Variants in F2RL1 observed in about 807,000 individuals in gnomAD.
F2RL1 encodes proteinase-activated receptor 2.
F2RL1 carries 16 observed loss-of-function variants against 21.7 expected under a neutral mutation model. The ratio of observed to expected loss-of-function variants is 0.74; its 90% CI spans 0.50 to 1.12. F2RL1 has a LOEUF of 1.12. Ranked by LOEUF, F2RL1 falls within the 50% of genes most tolerant of loss-of-function variation. The pLI is 0.00. For synonymous variants in F2RL1, 181 were observed against 186.7 expected (o/e 0.97, Z 0.25); for missense variants, 432 against 477.8 (o/e 0.90, Z 0.89).
intron 1 of F2RL1, among the ~76,000 whole-genome samples, chr5:76,825,062 A>T (rs1486075392): frequency 6.9e-6 from 1 of 145,900 alleles, no homozygotes; most frequent in African/African-American, 2.6e-5. Context: ...GCTGAAGTGC[A>T]GTGGCATGAT....
chr5:76,821,882 A>G (rs111988690), intron 1 of F2RL1, among the ~76,000 whole-genome samples: 6 of 152,218 alleles, frequency 3.9e-5, no homozygotes, highest in Non-Finnish European at 7.4e-5. Flanking sequence ...CGCCCTACCT[A>G]TAATTGTTTT....
chr5:76,832,009 A>T (rs907206436), intron 1 of F2RL1, among the ~76,000 whole-genome samples: 16 of 139,218 alleles, frequency 1.1e-4, no homozygotes, highest in African/African-American at 3.9e-4. Context: ...CCCCATCTCT[A>T]AAAAAAAAAA....
At chr5:76,820,642 A>G (rs970340522) in intron 1 of F2RL1, among the ~76,000 whole-genome samples, 2 of 152,218 alleles carry the variant, frequency 1.3e-5, no homozygotes, top group Non-Finnish European at 2.9e-5. Context: ...CAAACTTTAA[A>G]AAAATACATG....
chr5:76,833,825 A>G lies in F2RL1; in HGVS notation c.*24A>G, dbSNP rs1325689223. 2 of 1,604,884 alleles carry G rather than the reference A, an allele frequency of 1.2e-6. No homozygotes were observed. The highest frequency in any genetic ancestry group is 2.2e-5 in the East Asian group (1 of 44,720). On this transcript the variant is annotated 3_prime_UTR_variant, in exon 2 of 2. Coordinates refer to ENST00000296677, the MANE Select transcript of F2RL1 (RefSeq NM_005242.6). ...GAGTTTTCCAGGTCCTCAGATGGGAATTGCACAGTAGGATGTGGAACCTGT... is the reference window on the plus strand; with the variant it reads ...GAGTTTTCCAGGTCCTCAGATGGGAGTTGCACAGTAGGATGTGGAACCTGT...
chr5:76,821,390 A>G (rs983748148), intron 1 of F2RL1, among the ~76,000 whole-genome samples: 1 of 152,076 alleles, frequency 6.6e-6, no homozygotes, highest in Non-Finnish European at 1.5e-5. Context: ...TAGCAAATGA[A>G]TGAAGTGAGG....
chr5:76,820,961 A>G (rs965618926), intron 1 of F2RL1, among the ~76,000 whole-genome samples: 2 of 152,210 alleles, frequency 1.3e-5, no homozygotes, highest in African/African-American at 4.8e-5. Context: ...CCTTAAAACT[A>G]AATTGATTTT....
At position 76,819,356 on chromosome 5, in the gene F2RL1, AG is replaced by A. The variant is rs1270395811; in HGVS notation, c.82+94del. Reference sequence around the variant, plus strand: ...CGGTGGGATCCGGGCAGGTGTGCGAAGGCTGTTCTGCTGCCGGCACCCATCT... The same window carrying A: ...CGGTGGGATCCGGGCAGGTGTGCGAAGCTGTTCTGCTGCCGGCACCCATCT... On this transcript the variant is annotated intron_variant, in intron 1 of 1. Coordinates refer to ENST00000296677, the MANE Select transcript of F2RL1 (RefSeq NM_005242.6). The A allele has an allele frequency of 9.1e-6, 10 of 1,098,988 alleles. No individual in the cohort carries two copies. In the East Asian group the frequency reaches 2.4e-4, roughly 26 times the overall value. The allele number at this position is 1,098,988 out of a possible 1,614,324, so 68.1% of individuals were successfully genotyped here. A position where few individuals can be genotyped will look rare whatever the true frequency, so the allele number is the denominator to read the frequency against.
At chr5:76,832,607 G>T (rs970021324) in intron 1 of F2RL1, 83 bp from the exon 2 acceptor site, 1 of 1,316,992 alleles carries the variant, frequency 7.6e-7, no homozygotes. Flanking sequence ...ATGAATAAAT[G>T]AATGTACTTT....
chr5:76,833,588 T>C lies in F2RL1; in HGVS notation c.981T>C (p.Ile327=). ...AGAGCCATGTCTATGCCCTGTACAT[T>C]GTAGCCCTCTGCCTCTCTACCCTTA... ...QGQSHVYALY[I]VALCLSTLNS... The change falls in exon 2 of 2, where the codon ATT becomes ATC. Residue 327 remains isoleucine (I), a synonymous_variant. Coordinates refer to ENST00000296677, the MANE Select transcript of F2RL1 (RefSeq NM_005242.6). 6.2e-7 allele frequency: 1 copy of C among 1,613,880 alleles called. No individual in the cohort carries two copies. The highest frequency in any genetic ancestry group is 8.5e-7 in the Non-Finnish European group (1 of 1,179,968).
intron 1 of F2RL1, among the ~76,000 whole-genome samples, chr5:76,825,679 G>A (rs1432708285): frequency 6.6e-6 from 1 of 152,198 alleles, no homozygotes; most frequent in Non-Finnish European, 1.5e-5. Flanking sequence ...GACAAGCTCT[G>A]TGAGTTTTGG....
rs1400435829 is a variant in F2RL1 at position 76,834,694 on chromosome 5, A to G, written c.*893A>G. 1 of 152,164 alleles carries G rather than the reference A, an allele frequency of 6.6e-6. No individual in the cohort carries two copies. The highest frequency in any genetic ancestry group is 6.5e-5 in the Admixed American group (1 of 15,268). 9.4% of individuals were successfully genotyped at this position (152,164 alleles called of 1,614,324 possible). ...CAGATTCCTCAGATTCAATAATGAGAGCTCAGACTGGGAACAGGGCCCAGG... is the reference window on the plus strand; with the variant it reads ...CAGATTCCTCAGATTCAATAATGAGGGCTCAGACTGGGAACAGGGCCCAGG... On this transcript the variant is annotated 3_prime_UTR_variant, in exon 2 of 2. Coordinates refer to ENST00000296677, the MANE Select transcript of F2RL1 (RefSeq NM_005242.6).
At position 76,833,265 on chromosome 5, in the gene F2RL1, G is replaced by A; in HGVS notation, c.658G>A (p.Ala220Thr). Residue 220 changes from alanine to threonine, a missense_variant, in exon 2 of 2, where the codon GCC (alanine) becomes ACC (threonine). Ala to Thr is a moderately conservative substitution (Grantham distance 58). Transcript: ENST00000296677. The stretch of plus-strand genomic sequence containing the variant: ...CGTGAAGCAGACCATCTTCATTCCT[G>A]CCCTGAACATCACGACCTGTCATGA... The part of the protein sequence containing the change: ...YVVKQTIFIP[A>T]LNITTCHDVL... 6.2e-7 allele frequency: 1 copy of A among 1,613,342 alleles called. No homozygotes were observed. Among genetic ancestry groups the A allele is most frequent in the Non-Finnish European group, 8.5e-7 (1 of 1,179,928 alleles).
intron 1 of F2RL1, among the ~76,000 whole-genome samples, chr5:76,819,845 T>G (rs574523185): frequency 6.6e-6 from 1 of 152,034 alleles, no homozygotes; most frequent in Non-Finnish European, 1.5e-5. Flanking sequence ...TTCTGGCCCC[T>G]GCGTTCGAGA....
intron 1 of F2RL1, among the ~76,000 whole-genome samples, chr5:76,831,535 ATTTTTT>A (rs3053251): frequency 7.5e-6 from 1 of 134,166 alleles, no homozygotes; most frequent in African/African-American, 2.8e-5. Flanking sequence ...TCCTAAACTG[ATTTTTT>A]TTTTTTTTTT....
chr5:76,826,045 C>T (rs1750231785), intron 1 of F2RL1, among the ~76,000 whole-genome samples: 1 of 152,096 alleles, frequency 6.6e-6, no homozygotes, highest in Non-Finnish European at 1.5e-5. Context: ...AGTGTATCCA[C>T]CACTCAACTT....
At chr5:76,819,707 C>T (rs2150603752) in intron 1 of F2RL1, among the ~76,000 whole-genome samples, 1 of 152,206 alleles carries the variant, frequency 6.6e-6, no homozygotes, top group South Asian at 2.1e-4. Context: ...TCCGCTGGCC[C>T]CGCGGGGCCG....
In F2RL1 at chr5:76,819,104, G is replaced by C. The variant is rs1384482287; in HGVS notation, c.-79G>C. On this transcript the variant is annotated 5_prime_UTR_variant, in exon 1 of 2. Transcript: ENST00000296677. ...GCAGGTGAGAGGCTGACTTTCTCTCGGTGCGTCCAGTGGAGCTCTGAGTTT... is the reference window on the plus strand; with the variant it reads ...GCAGGTGAGAGGCTGACTTTCTCTCCGTGCGTCCAGTGGAGCTCTGAGTTT... The C allele has an allele frequency of 1.7e-6, 2 of 1,186,604 alleles. No individual in the cohort carries two copies. Among genetic ancestry groups the C allele is most frequent in the Non-Finnish European group, 2.4e-6 (2 of 841,530 alleles). 73.5% of individuals were successfully genotyped at this position (1,186,604 alleles called of 1,614,324 possible). A position where few individuals can be genotyped will look rare whatever the true frequency, so the allele number is the denominator to read the frequency against.
chr5:76,825,998 T>A (rs1164407425), intron 1 of F2RL1, among the ~76,000 whole-genome samples: 1 of 152,188 alleles, frequency 6.6e-6, no homozygotes, highest in Admixed American at 6.6e-5. Flanking sequence ...TTATGGAGAA[T>A]TTTAATCTTA....
Position 76,833,898 on chromosome 5 carries a change from A to T in F2RL1, c.*97A>T. The stretch of plus-strand genomic sequence containing the variant: ...GTTATTTCCTAATCAAAAAGGTCTC[A>T]CCACATACCATGTGGATGCAGCACC... On this transcript the variant is annotated 3_prime_UTR_variant, in exon 2 of 2. Coordinates refer to ENST00000296677, the MANE Select transcript of F2RL1 (RefSeq NM_005242.6). 2 of 1,321,970 alleles carry T rather than the reference A, an allele frequency of 1.5e-6. No homozygotes were observed. Among genetic ancestry groups the T allele is most frequent in the Non-Finnish European group, 2.1e-6 (2 of 961,468 alleles). 81.9% of individuals were successfully genotyped at this position (1,321,970 alleles called of 1,614,324 possible). A position where few individuals can be genotyped will look rare whatever the true frequency, so the allele number is the denominator to read the frequency against.
Sources: allele counts gnomAD v4.1 joint callset (sites outside exome capture counted in the v4.1 genomes callset), GRCh38; gene constraint gnomAD v4.1.1; transcripts MANE v1.5; gene names NCBI Gene and HGNC (gene_info 2026-07-23, HGNC 2026-07-21).